Variants in LOXHD1 observed in about 807,000 individuals in gnomAD.
The protein encoded by LOXHD1 is lipoxygenase homology domain-containing protein 1.
In LOXHD1, 205 loss-of-function variants were observed where a neutral mutation model predicts 248.2. The ratio of observed to expected loss-of-function variants is 0.83; its 90% CI spans 0.74 to 0.93. The LOEUF (loss-of-function observed/expected upper bound fraction) is 0.93. Ranked by LOEUF, LOXHD1 falls within the 40% of genes least tolerant of loss-of-function variation. The pLI is 0.00. For synonymous variants in LOXHD1, 1,113 were observed against 1,162.8 expected, an observed-to-expected ratio of 0.96 and a Z score of 0.87; for missense variants, 2,930 against 2,971.6, an observed-to-expected ratio of 0.99 and a Z score of 0.33.
intron 4 of LOXHD1, among the ~76,000 whole-genome samples, chr18:46,620,375 G>T (rs1436101191): frequency 6.6e-6 from 1 of 152,196 alleles, no homozygotes; most frequent in Admixed American, 6.5e-5. Flanking sequence ...GGAATGTTCT[G>T]AAGGTTGCAT....
chr18:46,522,709 G>A (rs1297410062), intron 31 of LOXHD1, among the ~76,000 whole-genome samples: 1 of 152,120 alleles, frequency 6.6e-6, no homozygotes, highest in Non-Finnish European at 1.5e-5. Flanking sequence ...GCAAAAGCAA[G>A]GTCTCATAGA....
intron 40 of LOXHD1, among the ~76,000 whole-genome samples, chr18:46,480,050 G>A (rs1441106579): frequency 2.0e-5 from 3 of 152,080 alleles, no homozygotes; most frequent in Admixed American, 6.6e-5. Context: ...GATAAATTTG[G>A]ATTGTTGTTA....
At position 46,512,954 on chromosome 18, in the gene LOXHD1, C is replaced by A. The variant is rs902121721; in HGVS notation, c.5400-3139G>T. ...CTAAGACATAAAATAAGATATATGGCCTGATTCTATTTAGGTACCATTCAA... is the reference window on the plus strand; with the variant it reads ...CTAAGACATAAAATAAGATATATGGACTGATTCTATTTAGGTACCATTCAA... On this transcript the variant is annotated intron_variant, in intron 34 of 40. Transcript: ENST00000642948. Among the ~76,000 whole-genome samples, 3 of 152,072 alleles carry A rather than the reference C, an allele frequency of 2.0e-5. No individual in the cohort carries two copies. The South Asian group carries it at 6.2e-4, about 32-fold the overall frequency.
intron 5 of LOXHD1, among the ~76,000 whole-genome samples, chr18:46,613,102 G>A (rs1285849887): frequency 6.6e-6 from 1 of 152,092 alleles, no homozygotes; most frequent in Non-Finnish European, 1.5e-5. Flanking sequence ...AGCCCTACAT[G>A]AATATTAGTA....
chr18:46,581,713 A>G (rs1818567), intron 12 of LOXHD1, among the ~76,000 whole-genome samples: 28,721 of 150,606 alleles, frequency 0.19, 2,449 homozygotes, highest in African/African-American at 0.29. Flanking sequence ...CAAACTCCAA[A>G]TTATGATAAA....
At chr18:46,593,805 A>T in intron 9 of LOXHD1, 45 bp from the exon 10 acceptor site, 1 of 1,542,294 alleles carries the variant, frequency 6.5e-7, no homozygotes, top group Non-Finnish European at 8.8e-7. Flanking sequence ...GGAAGTGAAG[A>T]GATTTTCATA....
chr18:46,610,359 T>C (rs941585087), intron 6 of LOXHD1, among the ~76,000 whole-genome samples: 7 of 150,512 alleles, frequency 4.7e-5, no homozygotes, highest in South Asian at 2.1e-4. Context: ...ATGAGAACAC[T>C]TGGACACAGG....
chr18:46,544,802 C>A, intron 23 of LOXHD1: 1 of 471,300 alleles, frequency 2.1e-6, no homozygotes, highest in South Asian at 1.5e-5. Context: ...AGGGTTAGGT[C>A]CATTTATTCT....
intron 23 of LOXHD1, among the ~76,000 whole-genome samples, chr18:46,544,380 G>T (rs141948395): frequency 2.6e-5 from 4 of 152,158 alleles, no homozygotes; most frequent in Non-Finnish European, 4.4e-5. Flanking sequence ...ACATAGAAAG[G>T]CCTCAGATAA....
rs727504848 is a variant in LOXHD1, at chr18:46,521,273, C to T, written c.5095G>A (p.Asp1699Asn). 4 of 1,551,592 alleles carry T rather than the reference C, an allele frequency of 2.6e-6. No individual in the cohort carries two copies. The highest frequency in any genetic ancestry group is 1.2e-5 in the South Asian group (1 of 84,054). Residue 1699 changes from aspartate (D) to asparagine (N), a missense_variant, in exon 33 of 41, where the codon GAC becomes AAC. By Grantham distance (23) the Asp-to-Asn change is conservative. Transcript: ENST00000642948. ...GIIKKIELGH[D>N]GASPESCWLV... ...CAGCAGCTCTCAGGGGAGGCCCCGTCATGGCCCAGCTAGGAGGAGACACAC... is the reference window on the plus strand; with the variant it reads ...CAGCAGCTCTCAGGGGAGGCCCCGTTATGGCCCAGCTAGGAGGAGACACAC...
intron 4 of LOXHD1, among the ~76,000 whole-genome samples, chr18:46,626,227 C>T (rs1296010914): frequency 6.6e-6 from 1 of 152,168 alleles, no homozygotes; most frequent in African/African-American, 2.4e-5. Flanking sequence ...TATATTCTCC[C>T]ATTCATGGAC....
At chr18:46,649,084 C>T in intron 2 of LOXHD1, 71 bp downstream of exon 2, 1 of 1,314,758 alleles carries the variant, frequency 7.6e-7, no homozygotes, top group Admixed American at 2.0e-5. Flanking sequence ...AAGCAGGCCA[C>T]CCTTGGGTCC....
chr18:46,510,247 G>C (rs2034876206), intron 34 of LOXHD1, among the ~76,000 whole-genome samples: 1 of 152,234 alleles, frequency 6.6e-6, no homozygotes, highest in African/African-American at 2.4e-5. Context: ...ATGAGATTCT[G>C]TGCATGACAG....
chr18:46,542,792 A>T lies in LOXHD1; in HGVS notation c.3683T>A (p.Ile1228Asn). ...CAGATCCAGCGTCTCCACCGTGAAG[A>T]TTTCAATGCTGTCCCTCTCAAACTT... ...SDKFERDSIE[I>N]FTVETLDLGD... The change falls in exon 24 of 41, where the codon ATC becomes AAC. Residue 1228 changes from isoleucine (I) to asparagine (N), a missense_variant. Ile to Asn is a moderately radical substitution (Grantham distance 149). Coordinates refer to ENST00000642948, the MANE Select transcript of LOXHD1 (RefSeq NM_001384474.1). 6.4e-7 allele frequency: 1 copy of T among 1,551,622 alleles called. No homozygotes were observed. Among genetic ancestry groups the T allele is most frequent in the Non-Finnish European group, 8.7e-7 (1 of 1,146,980 alleles).
chr18:46,616,922 AT>A (rs1486808265), intron 5 of LOXHD1, among the ~76,000 whole-genome samples: 1 of 152,212 alleles, frequency 6.6e-6, no homozygotes, highest in African/African-American at 2.4e-5. Flanking sequence ...AATGTATCTA[AT>A]TATCTGAAAT....
intron 21 of LOXHD1, among the ~76,000 whole-genome samples, chr18:46,548,374 C>T (rs1445369810): frequency 1.3e-5 from 2 of 152,168 alleles, no homozygotes; most frequent in Non-Finnish European, 2.9e-5. Flanking sequence ...CTAGAGTCTT[C>T]ATTGCCTCCA....
chr18:46,562,914 A>T (rs572522732), intron 18 of LOXHD1, 151 bp downstream of exon 18: 2 of 833,762 alleles, frequency 2.4e-6, no homozygotes, highest in South Asian at 5.1e-5. Context: ...CCGAAAGCTC[A>T]GGTCTGGAGA....
Position 46,641,942 on chromosome 18 carries a change from C to T in LOXHD1, c.326+14G>A, listed in dbSNP as rs375943575. ...ATCTCCACCCTCAATCCTAGTCAGG[C>T]GCCAGCTTCTCACCTGACTTTATAG... On this transcript the variant is annotated intron_variant, in intron 3 of 40. Transcript: ENST00000642948. The T allele has an allele frequency of 4.4e-5, 68 of 1,549,702 alleles. No homozygotes were observed. Among genetic ancestry groups the T allele is most frequent in the South Asian group, 2.3e-4 (19 of 84,016 alleles).
intron 21 of LOXHD1, among the ~76,000 whole-genome samples, chr18:46,555,868 A>G (rs2037306911): frequency 6.6e-6 from 1 of 152,024 alleles, no homozygotes; most frequent in Non-Finnish European, 1.5e-5. Flanking sequence ...ACCTATGGGA[A>G]GACATAACAC....
Sources: gnomAD v4.1 joint callset for allele counts (sites outside exome capture counted in the v4.1 genomes callset) on GRCh38, gnomAD v4.1.1 for gene constraint, MANE v1.5 for transcripts, NCBI Gene and HGNC (gene_info 2026-07-23, HGNC 2026-07-21) for gene names.